The following POLR3B variants were observed in gnomAD, a reference collection of about 807,000 sequenced individuals.
POLR3B encodes the protein RNA polymerase III subunit B, also known as DNA-directed RNA polymerase III subunit RPC2.
POLR3B carries 96 observed loss-of-function variants against 147.4 expected under a neutral mutation model. The observed-to-expected ratio is 0.65, with a 90% CI of 0.55 to 0.77. The LOEUF (loss-of-function observed/expected upper bound fraction) is 0.77. Ranked by LOEUF, POLR3B falls within the 30% of genes least tolerant of loss-of-function variation. POLR3B has a pLI of 0.00. For missense variants in POLR3B, 1,036 were observed against 1,413.5 expected, an observed-to-expected ratio of 0.73 and a Z score of 4.28; for synonymous variants, 461 against 485.9, an observed-to-expected ratio of 0.95 and a Z score of 0.67.
At chr12:106,448,499 C>T (rs952276103) in intron 19 of POLR3B, among the ~76,000 whole-genome samples, 2 of 133,784 alleles carry the variant, frequency 1.5e-5, no homozygotes, top group African/African-American at 5.7e-5. Context: ...TGCAGTGGCA[C>T]GATCACAACT....
chr12:106,438,501 G>C (rs12308628), intron 18 of POLR3B, among the ~76,000 whole-genome samples: 140 of 143,142 alleles, frequency 9.8e-4, no homozygotes, highest in African/African-American at 3.5e-3. Context: ...CCATATATAT[G>C]TTTTTTTTTT....
intron 10 of POLR3B, among the ~76,000 whole-genome samples, chr12:106,399,526 C>T (rs1241234073): frequency 6.6e-6 from 1 of 152,150 alleles, no homozygotes; most frequent in Non-Finnish European, 1.5e-5. Flanking sequence ...GCATAATTGT[C>T]AGATTCACCA....
chr12:106,479,644 A>G (rs2038236045), intron 23 of POLR3B, among the ~76,000 whole-genome samples: 1 of 152,072 alleles, frequency 6.6e-6, no homozygotes, highest in Admixed American at 6.5e-5. Flanking sequence ...CGGCCTCCCA[A>G]AGTGCTGGGA....
At chr12:106,379,981 G>T (rs1438809129) in intron 8 of POLR3B, 50 bp from the exon 9 acceptor site, 4 of 1,021,516 alleles carry the variant, frequency 3.9e-6, no homozygotes, top group South Asian at 3.8e-5. Flanking sequence ...CATGTTACTA[G>T]CTTGAAACTA....
chr12:106,484,513 TTAG>T (rs2038311045), intron 23 of POLR3B, among the ~76,000 whole-genome samples: 1 of 151,966 alleles, frequency 6.6e-6, no homozygotes, highest in Non-Finnish European at 1.5e-5. Context: ...CCCCAACTAC[TTAG>T]TAGGCTGAGG....
chr12:106,465,877 G>C (rs1215973845), intron 23 of POLR3B, among the ~76,000 whole-genome samples: 4 of 152,160 alleles, frequency 2.6e-5, no homozygotes, highest in Non-Finnish European at 5.9e-5. Context: ...GGACATTTGG[G>C]TTGGTTCCAA....
chr12:106,426,405 C>T (rs778360408), intron 12 of POLR3B, among the ~76,000 whole-genome samples: 1 of 152,104 alleles, frequency 6.6e-6, no homozygotes, highest in Non-Finnish European at 1.5e-5. Context: ...CACCCGCCAC[C>T]AGACCCGGCT....
At chr12:106,488,344 C>CAA (rs1266447349) in intron 23 of POLR3B, among the ~76,000 whole-genome samples, 1 of 152,188 alleles carries the variant, frequency 6.6e-6, no homozygotes, top group Non-Finnish European at 1.5e-5. Context: ...TAGTAGTATG[C>CAA]AAAATGCTGG....
intron 26 of POLR3B, among the ~76,000 whole-genome samples, chr12:106,503,217 C>T (rs905151648): frequency 6.6e-6 from 1 of 152,198 alleles, no homozygotes; most frequent in Non-Finnish European, 1.5e-5. Flanking sequence ...AACAAGTAAT[C>T]TACAACTTCT....
At position 106,377,088 on chromosome 12, in the gene POLR3B, G is replaced by A. The variant is rs550251235; in HGVS notation, c.496+638G>A. Among the ~76,000 whole-genome samples the A allele has an allele frequency of 2.4e-4, 36 of 152,010 alleles. No individual in the cohort carries two copies. In the South Asian group the frequency reaches 4.0e-3, roughly 17 times the overall value. ...CTTCCAGAGTTACTGGCCTTGCCTG[G>A]TTGAAAAAAATCAAGTATCACACTT... is the stretch of plus-strand genomic sequence containing the variant. On this transcript the variant is annotated intron_variant, in intron 7 of 27. Transcript: ENST00000228347.
intron 1 of POLR3B, among the ~76,000 whole-genome samples, chr12:106,361,578 G>A (rs753423034): frequency 1.3e-5 from 2 of 152,174 alleles, no homozygotes; most frequent in Non-Finnish European, 2.9e-5. Flanking sequence ...AGTCTTTTAT[G>A]TGCCAGGCAC....
At chr12:106,436,965 A>ATTG in intron 16 of POLR3B, 92 bp from the exon 17 acceptor site, 1 of 939,522 alleles carries the variant, frequency 1.1e-6, no homozygotes, top group Non-Finnish European at 1.7e-6. Flanking sequence ...GTTTGTATTT[A>ATTG]CATCTTCCCT....
chr12:106,362,891 T>C (rs2036488017), intron 1 of POLR3B, among the ~76,000 whole-genome samples: 2 of 152,158 alleles, frequency 1.3e-5, no homozygotes, highest in African/African-American at 4.8e-5. Context: ...TTATGTGCTC[T>C]ATGTGGACAT....
intron 14 of POLR3B, among the ~76,000 whole-genome samples, chr12:106,431,581 A>G (rs1354292750): frequency 6.6e-6 from 1 of 152,212 alleles, no homozygotes; most frequent in Admixed American, 6.5e-5. Context: ...ATAATTTTAG[A>G]TATACAAAAA....
At chr12:106,491,592 G>C (rs1342320619) in intron 23 of POLR3B, among the ~76,000 whole-genome samples, 1 of 152,228 alleles carries the variant, frequency 6.6e-6, no homozygotes, top group African/African-American at 2.4e-5. Context: ...AGTATCTGCA[G>C]AAAGTAAAAG....
chr12:106,486,513 G>T (rs2038341886), intron 23 of POLR3B, among the ~76,000 whole-genome samples: 1 of 151,890 alleles, frequency 6.6e-6, no homozygotes, highest in African/African-American at 2.4e-5. Flanking sequence ...ATTTCTCGTT[G>T]GAAAGACACT....
At chr12:106,411,737 T>G (rs2037230826) in intron 12 of POLR3B, among the ~76,000 whole-genome samples, 2 of 152,202 alleles carry the variant, frequency 1.3e-5, no homozygotes, top group African/African-American at 4.8e-5. Context: ...GGTAGGTTAG[T>G]GAGGATATCT....
intron 23 of POLR3B, among the ~76,000 whole-genome samples, chr12:106,480,214 G>T (rs1422042074): frequency 6.6e-6 from 1 of 151,956 alleles, no homozygotes; most frequent in Non-Finnish European, 1.5e-5. Context: ...TCTCCTATTT[G>T]TTTTAGTGTC....
At chr12:106,479,198 C>T (rs187274315) in intron 23 of POLR3B, among the ~76,000 whole-genome samples, 17 of 152,116 alleles carry the variant, frequency 1.1e-4, no homozygotes, top group Admixed American at 2.6e-4. Context: ...TCCCCATACC[C>T]TTTCTGGTTT....
Sources: gnomAD v4.1 joint callset for allele counts (sites outside exome capture counted in the v4.1 genomes callset) on GRCh38, gnomAD v4.1.1 for gene constraint, MANE v1.5 for transcripts, NCBI Gene and HGNC (gene_info 2026-07-23, HGNC 2026-07-21) for gene names.